The following EVI5 variants were observed in gnomAD, a reference collection of about 807,000 sequenced individuals.
EVI5 encodes ecotropic viral integration site 5.
In EVI5, 73 loss-of-function variants were observed where a neutral mutation model predicts 112.0. That is an observed-to-expected ratio of 0.65 (90% CI 0.54 to 0.79). EVI5 has a LOEUF of 0.79. Ranked by LOEUF, EVI5 falls within the 30% of genes least tolerant of loss-of-function variation. The pLI is 0.00. For missense variants in EVI5, 900 were observed against 968.8 expected, an observed-to-expected ratio of 0.93 and a Z score of 0.94; for synonymous variants, 305 against 319.9, an observed-to-expected ratio of 0.95 and a Z score of 0.50.
chr1:92,728,212 C>T (rs1932967), intron 2 of EVI5, among the ~76,000 whole-genome samples: 136,888 of 152,062 alleles, frequency 0.9, 61,730 homozygotes, highest in East Asian at 0.97. Context: ...AAATAGAACT[C>T]CAAATTACAT....
At chr1:92,524,819 G>C (rs1661571776) in intron 19 of EVI5, among the ~76,000 whole-genome samples, 1 of 150,350 alleles carries the variant, frequency 6.7e-6, no homozygotes, top group South Asian at 2.1e-4. Context: ...GACACTGATA[G>C]ATTAACTACT....
At chr1:92,615,685 C>A (rs1652959661) in intron 16 of EVI5, among the ~76,000 whole-genome samples, 1 of 152,084 alleles carries the variant, frequency 6.6e-6, no homozygotes, top group Admixed American at 6.6e-5. Flanking sequence ...CTTGAGGCAA[C>A]ATTGATGCCC....
intron 18 of EVI5, among the ~76,000 whole-genome samples, chr1:92,578,154 C>T (rs951641361): frequency 3.9e-5 from 6 of 152,060 alleles, no homozygotes; most frequent in Non-Finnish European, 5.9e-5. Flanking sequence ...TCCATGTGAA[C>T]GCTATTTCAT....
upstream of EVI5, among the ~76,000 whole-genome samples, chr1:92,786,816 C>T (rs1360775875): frequency 1.3e-5 from 2 of 152,228 alleles, no homozygotes; most frequent in Non-Finnish European, 2.9e-5. Context: ...GCCCACCTCT[C>T]CACCTCTTCT....
chr1:92,511,458 AAAAAC>A lies in EVI5; in HGVS notation c.*2193_*2197del. On this transcript the variant is annotated 3_prime_UTR_variant, in exon 20 of 20. Coordinates refer to ENST00000684568, the MANE Select transcript of EVI5 (RefSeq NM_001350197.2). Reference sequence around the variant, plus strand: ...AGACTTCATCTCAAAAAACAAAAATAAAAACAAAACAAAACAGAGAATTGAGAAAT... The same window carrying A: ...AGACTTCATCTCAAAAAACAAAAATAAAAACAAAACAGAGAATTGAGAAAT... 1 of 152,372 alleles carries A rather than the reference AAAAAC, an allele frequency of 6.6e-6. No homozygotes were observed. The highest frequency in any genetic ancestry group is 2.1e-4 in the South Asian group (1 of 4,832). The allele number at this position is 152,372 out of a possible 1,614,324, so 9.4% of individuals were successfully genotyped here. A position where few individuals can be genotyped will look rare whatever the true frequency, so the allele number is the denominator to read the frequency against.
chr1:92,695,247 T>A, intron 7 of EVI5, 63 bp downstream of exon 7: 1 of 1,405,452 alleles, frequency 7.1e-7, no homozygotes, highest in South Asian at 1.4e-5. Context: ...CTCATTGCCC[T>A]GCTCTCACTA....
intron 18 of EVI5, among the ~76,000 whole-genome samples, chr1:92,587,308 C>T (rs989404759): frequency 2.0e-4 from 30 of 150,390 alleles, no homozygotes; most frequent in African/African-American, 7.1e-4. Flanking sequence ...TTGAGAAATG[C>T]CTTAAAGAAA....
At chr1:92,644,360 C>T (rs1023051837) in intron 13 of EVI5, among the ~76,000 whole-genome samples, 2 of 152,136 alleles carry the variant, frequency 1.3e-5, no homozygotes, top group Admixed American at 1.3e-4. Context: ...ACAACTGGGC[C>T]ACACCTGTAA....
At chr1:92,578,797 C>T (rs965557012) in intron 18 of EVI5, among the ~76,000 whole-genome samples, 1 of 151,824 alleles carries the variant, frequency 6.6e-6, no homozygotes, top group Non-Finnish European at 1.5e-5. Flanking sequence ...CAGGAAAAAG[C>T]AAGGAGTAGA....
In EVI5 at chr1:92,510,701, A is replaced by G. The variant is rs1428360279; in HGVS notation, c.*2955T>C. On this transcript the variant is annotated 3_prime_UTR_variant, in exon 20 of 20. Transcript: ENST00000684568. ...CTGTAGCACAAAGCGGCCATACACA[A>G]TATTTAAAAGGGTGAGCATGGGTGT... 6.6e-6 allele frequency: 1 copy of G among 152,218 alleles called. No homozygotes were observed. Among genetic ancestry groups the G allele is most frequent in the Non-Finnish European group, 1.5e-5 (1 of 68,036 alleles). The allele number at this position is 152,218 out of a possible 1,614,324, so 9.4% of individuals were successfully genotyped here. A position where few individuals can be genotyped will look rare whatever the true frequency, so the allele number is the denominator to read the frequency against.
At chr1:92,515,433 G>A (rs999471143) in intron 19 of EVI5, among the ~76,000 whole-genome samples, 1 of 152,136 alleles carries the variant, frequency 6.6e-6, no homozygotes, top group African/African-American at 2.4e-5. Context: ...TAAGTCATCA[G>A]CTCTGCCCTC....
rs557111435 is a variant in EVI5 at position 92,647,675 on chromosome 1, C to G, written c.1393-11339G>C. Reference sequence around the variant, plus strand: ...AAATTGCTTCTTCCTTCCTGGTCACCTAGCAAGAGGGAAGGTGAAGGGGGC... The same window carrying G: ...AAATTGCTTCTTCCTTCCTGGTCACGTAGCAAGAGGGAAGGTGAAGGGGGC... On this transcript the variant is annotated intron_variant, in intron 13 of 19. Transcript: ENST00000684568. The G allele has an allele frequency of 1.4e-5, 4 of 293,556 alleles. No homozygotes were observed. The East Asian group carries it at 2.7e-4, about 20-fold the overall frequency. The allele number at this position is 293,556 out of a possible 1,614,324, so 18.2% of individuals were successfully genotyped here.
intron 19 of EVI5, among the ~76,000 whole-genome samples, chr1:92,540,601 A>AT (rs1664630259): frequency 6.6e-6 from 1 of 151,918 alleles, no homozygotes; most frequent in Admixed American, 6.6e-5. Context: ...AAATGATTTG[A>AT]TTTTTTTCTT....
At chr1:92,521,339 TA>T (rs1420791176) in intron 19 of EVI5, among the ~76,000 whole-genome samples, 4 of 152,170 alleles carry the variant, frequency 2.6e-5, no homozygotes, top group African/African-American at 7.2e-5. Context: ...ATGTAAACAT[TA>T]AAAAATTAAA....
chr1:92,696,870 C>T (rs2102491270), intron 6 of EVI5, among the ~76,000 whole-genome samples: 1 of 151,936 alleles, frequency 6.6e-6, no homozygotes, highest in African/African-American at 2.4e-5. Context: ...AACCCCATCT[C>T]TACTAAAAAA....
At chr1:92,735,658 A>ATCATAAT (rs1558171463) in intron 2 of EVI5, among the ~76,000 whole-genome samples, 2 of 142,552 alleles carry the variant, frequency 1.4e-5, no homozygotes, top group African/African-American at 2.6e-5. Context: ...ATATAATTAT[A>ATCATAAT]TAATTCAACA....
At chr1:92,718,686 T>G (rs1176127893) in intron 2 of EVI5, among the ~76,000 whole-genome samples, 1 of 151,644 alleles carries the variant, frequency 6.6e-6, no homozygotes, top group Non-Finnish European at 1.5e-5. Flanking sequence ...AAGAAATAAC[T>G]AAGAACAGAG....
intron 10 of EVI5, among the ~76,000 whole-genome samples, chr1:92,667,835 T>C (rs1665186373): frequency 6.6e-6 from 1 of 152,198 alleles, no homozygotes; most frequent in African/African-American, 2.4e-5. Flanking sequence ...CAGGATGGTC[T>C]TGATCTCCTG....
rs932610361 is a variant in EVI5, at chr1:92,631,083, C to G, written c.1527+5119G>C. On this transcript the variant is annotated intron_variant, in intron 14 of 19. Coordinates refer to ENST00000684568, the MANE Select transcript of EVI5 (RefSeq NM_001350197.2). ...TACCATGCTGTTTTGGTTACTGTAGCCTTGTAGTATAGTTTGAAGTCAGGT... is the reference window on the plus strand; with the variant it reads ...TACCATGCTGTTTTGGTTACTGTAGGCTTGTAGTATAGTTTGAAGTCAGGT... Among the ~76,000 whole-genome samples the G allele has an allele frequency of 3.9e-5, 6 of 152,068 alleles. No homozygotes were observed. The East Asian group carries it at 5.8e-4, about 15-fold the overall frequency.
Sources: allele counts gnomAD v4.1 joint callset (sites outside exome capture counted in the v4.1 genomes callset), GRCh38; gene constraint gnomAD v4.1.1; transcripts MANE v1.5; gene names NCBI Gene and HGNC (gene_info 2026-07-23, HGNC 2026-07-21).